Variants in PARD3 observed in about 807,000 individuals in gnomAD.
The protein encoded by PARD3 is partitioning defective 3 homolog.
PARD3 carries 75 observed loss-of-function variants against 155.4 expected under a neutral mutation model. That is an observed-to-expected ratio of 0.48 (90% CI 0.40 to 0.58). PARD3 has a LOEUF of 0.58. PARD3 is among the 20% of genes least tolerant of loss of function. The pLI is 0.00. For missense variants in PARD3, 1,642 were observed against 1,721.7 expected, an observed-to-expected ratio of 0.95 and a Z score of 0.82; for synonymous variants, 576 against 610.5, an observed-to-expected ratio of 0.94 and a Z score of 0.83.
intron 2 of PARD3, among the ~76,000 whole-genome samples, chr10:34,585,680 T>A (rs1156829554): frequency 6.6e-6 from 1 of 152,160 alleles, no homozygotes; most frequent in Admixed American, 6.5e-5. Context: ...CAAATCACTC[T>A]GTCTGCACTG....
At chr10:34,353,254 T>C (rs185156620) in intron 14 of PARD3, among the ~76,000 whole-genome samples, 55 of 152,312 alleles carry the variant, frequency 3.6e-4, no homozygotes, top group Admixed American at 1.4e-3. Flanking sequence ...ATGATGACGA[T>C]AGCAGTTTTG....
intron 2 of PARD3, among the ~76,000 whole-genome samples, chr10:34,605,961 T>C (rs1301931349): frequency 1.7e-5 from 2 of 119,244 alleles, no homozygotes; most frequent in African/African-American, 6.5e-5. Flanking sequence ...TATATATATA[T>C]CTCCTATATC....
At chr10:34,330,031 T>C (rs927904636) in intron 19 of PARD3, among the ~76,000 whole-genome samples, 3 of 151,700 alleles carry the variant, frequency 2.0e-5, no homozygotes, top group South Asian at 2.1e-4. Context: ...CACTCAAATG[T>C]TGAATTGCAA....
intron 14 of PARD3, among the ~76,000 whole-genome samples, chr10:34,357,399 A>G (rs1263769924): frequency 6.6e-6 from 1 of 152,224 alleles, no homozygotes; most frequent in Non-Finnish European, 1.5e-5. Flanking sequence ...ATTTTCTGAT[A>G]CACATAAGAT....
chr10:34,755,800 A>G (rs10827417), intron 1 of PARD3, among the ~76,000 whole-genome samples: 43,395 of 152,046 alleles, frequency 0.29, 6,517 homozygotes, highest in East Asian at 0.54. Context: ...CTTCTGTCTC[A>G]ATCAACCAAT....
At chr10:34,369,990 C>A (rs1661361430) in intron 12 of PARD3, among the ~76,000 whole-genome samples, 1 of 152,054 alleles carries the variant, frequency 6.6e-6, no homozygotes, top group Admixed American at 6.6e-5. Flanking sequence ...AGATCCTTGG[C>A]CATCAAAAGG....
chr10:34,181,344 T>G (rs563464018), intron 22 of PARD3, among the ~76,000 whole-genome samples: 1 of 152,300 alleles, frequency 6.6e-6, no homozygotes, highest in South Asian at 2.1e-4. Flanking sequence ...TAACAAAAGT[T>G]GGGTTTGTAA....
At chr10:34,275,746 G>T (rs746249643) in intron 21 of PARD3, among the ~76,000 whole-genome samples, 20 of 152,074 alleles carry the variant, frequency 1.3e-4, no homozygotes, top group Non-Finnish European at 2.9e-4. Flanking sequence ...ACTTCTTAAG[G>T]AAACTTTGAA....
intron 4 of PARD3, among the ~76,000 whole-genome samples, chr10:34,451,270 A>C (rs1227235723): frequency 6.6e-6 from 1 of 152,180 alleles, no homozygotes; most frequent in Non-Finnish European, 1.5e-5. Context: ...GGGGAGTCAA[A>C]CTTTTTAGTT....
intron 19 of PARD3, among the ~76,000 whole-genome samples, chr10:34,321,312 A>T (rs1185791076): frequency 6.6e-6 from 1 of 152,190 alleles, no homozygotes; most frequent in African/African-American, 2.4e-5. Context: ...CATACAGCAA[A>T]TTACAAGGTA....
At chr10:34,744,828 C>G (rs1300612761) in intron 1 of PARD3, among the ~76,000 whole-genome samples, 1 of 152,182 alleles carries the variant, frequency 6.6e-6, no homozygotes, top group East Asian at 1.9e-4. Context: ...TCTGAGTGTC[C>G]TGTCTGATAA....
At chr10:34,417,602 T>C (rs1393735222) in intron 5 of PARD3, among the ~76,000 whole-genome samples, 2 of 152,138 alleles carry the variant, frequency 1.3e-5, no homozygotes, top group South Asian at 2.1e-4. Flanking sequence ...TTTCGATTGT[T>C]TGGGTTTATT....
intron 1 of PARD3, among the ~76,000 whole-genome samples, chr10:34,798,746 T>C (rs1842563302): frequency 6.6e-6 from 1 of 150,994 alleles, no homozygotes. Context: ...GCTGATCCAC[T>C]GTCACACAAG....
intron 2 of PARD3, among the ~76,000 whole-genome samples, chr10:34,580,072 C>T (rs758901690): frequency 1.7e-4 from 26 of 151,982 alleles, no homozygotes; most frequent in Admixed American, 5.9e-4. Flanking sequence ...TACCACCATG[C>T]CTGGATAATT....
At chr10:34,489,505 C>T (rs2079734815) in intron 3 of PARD3, among the ~76,000 whole-genome samples, 1 of 152,206 alleles carries the variant, frequency 6.6e-6, no homozygotes, top group Non-Finnish European at 1.5e-5. Context: ...GTTCCAGTTT[C>T]AAATTAATTC....
At chr10:34,497,724 G>A (rs937086747) in intron 3 of PARD3, among the ~76,000 whole-genome samples, 1 of 152,144 alleles carries the variant, frequency 6.6e-6, no homozygotes, top group East Asian at 1.9e-4. Flanking sequence ...CAAGTTAAAT[G>A]AGCTAGGAAG....
intron 1 of PARD3, among the ~76,000 whole-genome samples, chr10:34,789,701 T>A (rs1305368098): frequency 6.6e-6 from 1 of 151,708 alleles, no homozygotes; most frequent in Middle Eastern, 3.2e-3. Context: ...AAGATCCTGT[T>A]ACCACCCGCC....
At chr10:34,691,392 C>T (rs1026985626) in intron 2 of PARD3, among the ~76,000 whole-genome samples, 2 of 152,034 alleles carry the variant, frequency 1.3e-5, no homozygotes, top group South Asian at 4.1e-4. Flanking sequence ...ACCAAAGAAA[C>T]GAAAGATCTC....
At chr10:34,498,496 T>C (rs2080440503) in intron 3 of PARD3, among the ~76,000 whole-genome samples, 1 of 152,168 alleles carries the variant, frequency 6.6e-6, no homozygotes, top group South Asian at 2.1e-4. Flanking sequence ...CACTATCCCC[T>C]GGGCACAGTG....
Sources: gnomAD v4.1 joint callset for allele counts (sites outside exome capture counted in the v4.1 genomes callset) on GRCh38, gnomAD v4.1.1 for gene constraint, MANE v1.5 for transcripts, NCBI Gene and HGNC (gene_info 2026-07-23, HGNC 2026-07-21) for gene names.